The following KDR variants were observed in gnomAD, a reference collection of about 807,000 sequenced individuals.
KDR encodes kinase insert domain receptor.
In KDR, 43 loss-of-function variants were observed where a neutral mutation model predicts 160.9. The observed-to-expected ratio is 0.27, with a 90% CI of 0.21 to 0.34. The LOEUF is 0.34. Among genes scored for constraint, KDR ranks in the 10% least tolerant of loss-of-function variants. The pLI is 1.00. For synonymous variants in KDR, 617 were observed against 600.1 expected, an observed-to-expected ratio of 1.03 and a Z score of -0.41; for missense variants, 1,469 against 1,666.4, an observed-to-expected ratio of 0.88 and a Z score of 2.06.
At position 55,095,930 on chromosome 4, in the gene KDR, T is replaced by C. The variant is rs764526037; in HGVS notation, c.2729-265A>G. Among the ~76,000 whole-genome samples, 10 of 152,150 alleles carry C rather than the reference T, an allele frequency of 6.6e-5. No homozygotes were observed. In the South Asian group the frequency reaches 2.1e-3, roughly 31 times the overall value. The stretch of plus-strand genomic sequence containing the variant: ...AGTGCAATCTCCTGATATGATTCCA[T>C]TTTGGGGGTAACTACCCTTAAGCTT... On this transcript the variant is annotated intron_variant, in intron 19 of 29. Transcript: ENST00000263923.
intron 9 of KDR, among the ~76,000 whole-genome samples, chr4:55,108,481 C>T (rs73234301): frequency 0.017 from 2,602 of 152,264 alleles, 24 homozygotes; most frequent in Non-Finnish European, 0.025. Context: ...ACCACTATTA[C>T]TGTCCACAGC....
chr4:55,111,261 G>A lies in KDR; in HGVS notation c.977-493C>T, dbSNP rs74997474. On this transcript the variant is annotated intron_variant, in intron 7 of 29. Coordinates refer to ENST00000263923, the MANE Select transcript of KDR (RefSeq NM_002253.4). Reference sequence around the variant, plus strand: ...CCCTGACTCCTCTGGGTTCCGGGTTGATATGTTAAATATCTCCACTTGGAT... The same window carrying A: ...CCCTGACTCCTCTGGGTTCCGGGTTAATATGTTAAATATCTCCACTTGGAT... Among the ~76,000 whole-genome samples the A allele has an allele frequency of 2.2e-3, 334 of 152,234 alleles. 2 individuals are homozygous for A. Among genetic ancestry groups the A allele is most frequent in the African/African-American group, 7.8e-3 (325 of 41,558 alleles).
Position 55,114,993 on chromosome 4 carries a change from T to C in KDR, c.539A>G (p.Asp180Gly). The change falls in exon 5 of 30, where the codon GAC (aspartate) becomes GGC (glycine). Residue 180 changes from aspartate (D) to glycine (G), a missense_variant. This residue lies in a region of KDR where 792 missense variants were observed against 840.9 expected (regional missense o/e 0.94). Transcript: ENST00000263923. The part of the protein sequence containing the change: ...FVPDGNRISW[D>G]SKKGFTIPSY... ...GGGAATAGTAAAGCCCTTCTTGCTG[T>C]CCCAGGAAATTCTGTTACCATCAGG... The C allele has an allele frequency of 1.9e-6, 3 of 1,613,872 alleles. No individual in the cohort carries two copies. Among genetic ancestry groups the C allele is most frequent in the Non-Finnish European group, 2.5e-6 (3 of 1,179,802 alleles).
intron 5 of KDR, among the ~76,000 whole-genome samples, chr4:55,114,568 T>A (rs1720685264): frequency 6.6e-6 from 1 of 152,250 alleles, no homozygotes; most frequent in African/African-American, 2.4e-5. Flanking sequence ...AAAATAGTCA[T>A]AATTGAAATA....
chr4:55,112,212 A>C (rs769486145), intron 7 of KDR, among the ~76,000 whole-genome samples: 1 of 151,974 alleles, frequency 6.6e-6, no homozygotes, highest in African/African-American at 2.4e-5. Flanking sequence ...ATTTTCTTCC[A>C]CCTCTGCCAC....
intron 7 of KDR, among the ~76,000 whole-genome samples, chr4:55,112,043 C>T (rs11941492): frequency 0.25 from 37,409 of 152,044 alleles, 4,792 homozygotes; most frequent in South Asian, 0.44. Context: ...TAGGATGCCA[C>T]ACAAATTACC....
At chr4:55,107,591 G>A (rs1207955910) in intron 10 of KDR, 146 bp downstream of exon 10, 7 of 931,676 alleles carry the variant, frequency 7.5e-6, no homozygotes, top group Non-Finnish European at 3.4e-6. Flanking sequence ...GTAAGACACA[G>A]AGAAAGATGG....
chr4:55,085,510 C>T lies in KDR; in HGVS notation c.3662+2097G>A, dbSNP rs764703897. Among the ~76,000 whole-genome samples the T allele has an allele frequency of 2.0e-5, 3 of 152,206 alleles. No homozygotes were observed. In the East Asian group the frequency reaches 5.8e-4, roughly 29 times the overall value. On this transcript the variant is annotated intron_variant, in intron 27 of 29. Coordinates refer to ENST00000263923, the MANE Select transcript of KDR (RefSeq NM_002253.4). ...TCCCTGAGAAGTACCCCAGCCTCAA[C>T]TCATTCTCCCCAGAGAAACAGAACC...
rs1343963134 is a variant in KDR at position 55,085,032 on chromosome 4, T to A, written c.3663-2397A>T. Among the ~76,000 whole-genome samples the A allele has an allele frequency of 3.3e-5, 5 of 152,228 alleles. No individual in the cohort carries two copies. In the East Asian group the frequency reaches 9.7e-4, roughly 29 times the overall value. ...CCTAACAATTACAAAATGAAGAAAA[T>A]GGTATGTACCAAAACCTTTCTCTAA... On this transcript the variant is annotated intron_variant, in intron 27 of 29. Coordinates refer to ENST00000263923, the MANE Select transcript of KDR (RefSeq NM_002253.4).
chr4:55,110,835 T>C, intron 7 of KDR, 67 bp from the exon 8 acceptor site: 1 of 1,347,914 alleles, frequency 7.4e-7, no homozygotes, highest in East Asian at 2.3e-5. Context: ...AGTTTTTCAT[T>C]TCAAGTGAAA....
At chr4:55,097,596 G>T in intron 18 of KDR, 66 bp downstream of exon 18, 1 of 1,046,614 alleles carries the variant, frequency 9.6e-7, no homozygotes. Flanking sequence ...ACTGATACAA[G>T]CCTTGCAACA....
At chr4:55,082,073 A>T in intron 28 of KDR, 32 bp from the exon 29 acceptor site, 1 of 1,403,232 alleles carries the variant, frequency 7.1e-7, no homozygotes, top group Non-Finnish European at 1.0e-6. Flanking sequence ...GGCACAGTTA[A>T]TTGAGCATAT....
intron 1 of KDR, among the ~76,000 whole-genome samples, chr4:55,121,827 C>G (rs148581645): frequency 1.4e-3 from 208 of 152,200 alleles, no homozygotes; most frequent in African/African-American, 4.7e-3. Context: ...TATTAATATA[C>G]TTTTATGTAT....
chr4:55,092,572 C>G (rs367983088), intron 22 of KDR, 45 bp downstream of exon 22: 1 of 1,365,986 alleles, frequency 7.3e-7, no homozygotes, highest in African/African-American at 1.4e-5. Flanking sequence ...TATTTCCAAA[C>G]CTGTGATCTG....
chr4:55,110,391 G>C lies in KDR; in HGVS notation c.1255+12C>G. 1 of 1,613,434 alleles carries C rather than the reference G, an allele frequency of 6.2e-7. No individual in the cohort carries two copies. The highest frequency in any genetic ancestry group is 1.1e-5 in the South Asian group (1 of 91,054). On this transcript the variant is annotated intron_variant, in intron 9 of 29. Coordinates refer to ENST00000263923, the MANE Select transcript of KDR (RefSeq NM_002253.4). ...TAAATCTTGGGCAGAGAGGAAAATT[G>C]AATGGACTCACCATACACAACCAGA... is the stretch of plus-strand genomic sequence containing the variant.
chr4:55,082,094 A>C (rs1166440987), intron 28 of KDR, 53 bp from the exon 29 acceptor site: 1 of 1,208,174 alleles, frequency 8.3e-7, no homozygotes, highest in South Asian at 1.2e-5. Context: ...AAAATGACCA[A>C]CTATTTAATT....
At chr4:55,100,825 T>C (rs1720292583) in intron 15 of KDR, among the ~76,000 whole-genome samples, 2 of 152,100 alleles carry the variant, frequency 1.3e-5, no homozygotes, top group South Asian at 4.1e-4. Context: ...ATCCCTTCTA[T>C]CACCATACTT....
rs760647024 is a variant in KDR at position 55,110,571 on chromosome 4, G to GA, written c.1092-6dup. The GA allele has an allele frequency of 4.3e-6, 7 of 1,613,048 alleles. No homozygotes were observed. In the East Asian group the frequency reaches 6.7e-5, roughly 15 times the overall value. On this transcript the variant is annotated splice_polypyrimidine_tract_variant and splice_region_variant and intron_variant, in intron 8 of 29. Transcript: ENST00000263923. ...AGGGGTATTCCATTTTTATACCTAT[G>GA]AAAAAAAATTCTCAGGAATTAGTAT...
intron 2 of KDR, among the ~76,000 whole-genome samples, chr4:55,120,323 C>T (rs530307336): frequency 5.7e-4 from 87 of 152,292 alleles, no homozygotes; most frequent in African/African-American, 1.9e-3. Context: ...ACCAAAAACA[C>T]ACAGGTCCTA....
Sources: gnomAD v4.1 joint callset for allele counts (sites outside exome capture counted in the v4.1 genomes callset) on GRCh38, gnomAD v4.1.1 for gene constraint, gnomAD v4.1.1 regional missense constraint, MANE v1.5 for transcripts, NCBI Gene and HGNC (gene_info 2026-07-23, HGNC 2026-07-21) for gene names.